The following PDE1C variants were observed in gnomAD, a reference collection of about 807,000 sequenced individuals.
The protein encoded by PDE1C is dual specificity calcium/calmodulin-dependent 3',5'-cyclic nucleotide phosphodiesterase 1C.
Under a neutral mutation model 93.1 loss-of-function variants are expected in PDE1C, and 62 were observed. That is an observed-to-expected ratio of 0.67 (90% CI 0.54 to 0.82). The LOEUF is 0.82. PDE1C is among the 40% of genes least tolerant of loss of function. PDE1C has a pLI of 0.00. For synonymous variants in PDE1C, 325 were observed against 310.1 expected (o/e 1.05, Z -0.50); for missense variants, 742 against 884.6 (o/e 0.84, Z 2.04).
the PDE1C span, among the ~76,000 whole-genome samples, chr7:31,732,592 G>A: frequency 6.7e-6 from 1 of 149,268 alleles, no homozygotes; most frequent in Non-Finnish European, 1.5e-5. Flanking sequence ...CAATCACATA[G>A]GCCAATTCCT....
intron 1 of PDE1C, among the ~76,000 whole-genome samples, chr7:32,284,187 G>T (rs17161137): frequency 0.076 from 11,566 of 152,208 alleles, 589 homozygotes; most frequent in Non-Finnish European, 0.1. Context: ...AGAATCAATT[G>T]CAAAATATGC....
chr7:32,213,855 T>C (rs1254548096), intron 1 of PDE1C, among the ~76,000 whole-genome samples: 1 of 152,178 alleles, frequency 6.6e-6, no homozygotes, highest in Non-Finnish European at 1.5e-5. Flanking sequence ...AGGCTACATG[T>C]GTATATAGGC....
At chr7:32,205,639 G>T (rs1243993178) in intron 2 of PDE1C, among the ~76,000 whole-genome samples, 2 of 152,152 alleles carry the variant, frequency 1.3e-5, no homozygotes, top group Non-Finnish European at 2.9e-5. Context: ...CTTGTGCCCT[G>T]CAGAAGCTTT....
At chr7:32,017,641 T>C (rs1788085747) in intron 2 of PDE1C, among the ~76,000 whole-genome samples, 1 of 152,088 alleles carries the variant, frequency 6.6e-6, no homozygotes, top group Non-Finnish European at 1.5e-5. Flanking sequence ...AAAGAACTCC[T>C]AAAAATTATT....
At chr7:32,309,424 A>T (rs1442144240) in intron 1 of PDE1C, among the ~76,000 whole-genome samples, 1 of 152,192 alleles carries the variant, frequency 6.6e-6, no homozygotes, top group Non-Finnish European at 1.5e-5. Context: ...CCTCAAGAAG[A>T]GCAACTCCAA....
chr7:31,871,481 C>A (rs576991303), intron 6 of PDE1C, among the ~76,000 whole-genome samples: 4 of 151,876 alleles, frequency 2.6e-5, no homozygotes, highest in African/African-American at 9.6e-5. Flanking sequence ...GGGACTAATA[C>A]CCAAAATGTA....
chr7:32,424,704 C>T (rs1785496167), intron 1 of PDE1C, among the ~76,000 whole-genome samples: 2 of 152,090 alleles, frequency 1.3e-5, no homozygotes, highest in Non-Finnish European at 2.9e-5. Context: ...TCCAGCTACT[C>T]AGGAGGCTGA....
chr7:31,619,497 A>G, the PDE1C span, among the ~76,000 whole-genome samples: 2 of 152,172 alleles, frequency 1.3e-5, no homozygotes, highest in Non-Finnish European at 2.9e-5. Flanking sequence ...GTATCATAGC[A>G]TTTTGATAAG....
intron 1 of PDE1C, among the ~76,000 whole-genome samples, chr7:32,364,554 C>G (rs1334697700): frequency 6.6e-6 from 1 of 152,236 alleles, no homozygotes; most frequent in East Asian, 1.9e-4. Flanking sequence ...ACACCTACAG[C>G]CCTTACTACC....
chr7:32,219,756 A>T (rs1368967722), intron 1 of PDE1C, among the ~76,000 whole-genome samples: 1 of 152,232 alleles, frequency 6.6e-6, no homozygotes, highest in East Asian at 1.9e-4. Flanking sequence ...AACCAGGCAA[A>T]GCCAATCACT....
intron 2 of PDE1C, among the ~76,000 whole-genome samples, chr7:31,925,678 A>G (rs538721009): frequency 2.0e-5 from 3 of 152,278 alleles, no homozygotes; most frequent in African/African-American, 7.2e-5. Context: ...CATTTTTTAC[A>G]TGTACATTTG....
downstream of PDE1C, among the ~76,000 whole-genome samples, chr7:31,746,649 A>T (rs563509466): frequency 1.3e-5 from 2 of 152,192 alleles, no homozygotes; most frequent in Admixed American, 6.5e-5. Flanking sequence ...TAGAAACCGG[A>T]TATGGTTCAG....
At chr7:31,761,524 G>T (rs1261761643) in intron 17 of PDE1C, among the ~76,000 whole-genome samples, 3 of 152,086 alleles carry the variant, frequency 2.0e-5, no homozygotes, top group Non-Finnish European at 4.4e-5. Context: ...CCTTCTGCCA[G>T]ACTGGAATAT....
intron 3 of PDE1C, among the ~76,000 whole-genome samples, chr7:32,147,061 C>T (rs959187324): frequency 5.9e-5 from 9 of 151,504 alleles, no homozygotes; most frequent in Admixed American, 1.3e-4. Context: ...AAGAAGTCAT[C>T]GCTAAGTAAA....
the PDE1C span, among the ~76,000 whole-genome samples, chr7:31,677,756 C>T: frequency 5.3e-5 from 8 of 152,192 alleles, no homozygotes; most frequent in Admixed American, 3.3e-4. Flanking sequence ...GGCATTTCCT[C>T]AGCAATTAAG....
intron 1 of PDE1C, among the ~76,000 whole-genome samples, chr7:32,266,510 A>G (rs1191375504): frequency 6.6e-6 from 1 of 152,224 alleles, no homozygotes; most frequent in Non-Finnish European, 1.5e-5. Context: ...AAAAAAATAA[A>G]AAGCCTTTCC....
At chr7:32,372,298 C>T (rs1011064808) in intron 1 of PDE1C, among the ~76,000 whole-genome samples, 2 of 152,080 alleles carry the variant, frequency 1.3e-5, no homozygotes, top group African/African-American at 4.8e-5. Flanking sequence ...AAATGATCCA[C>T]CCACCTCGGC....
At chr7:32,105,616 C>T (rs1157962842) in intron 3 of PDE1C, among the ~76,000 whole-genome samples, 1 of 152,026 alleles carries the variant, frequency 6.6e-6, no homozygotes, top group African/African-American at 2.4e-5. Context: ...AGCTTCCATT[C>T]AGCCTGGATC....
At chr7:31,896,496 C>T (rs577955565) in intron 2 of PDE1C, among the ~76,000 whole-genome samples, 1 of 152,108 alleles carries the variant, frequency 6.6e-6, no homozygotes, top group East Asian at 1.9e-4. Context: ...GAATATACTC[C>T]CCAGAAAGCT....
Sources: allele counts gnomAD v4.1 joint callset (sites outside exome capture counted in the v4.1 genomes callset), GRCh38; gene constraint gnomAD v4.1.1; transcripts MANE v1.5; gene names NCBI Gene and HGNC (gene_info 2026-07-23, HGNC 2026-07-21).